FAR1: variants seen among roughly 807,000 people sequenced by gnomAD.
FAR1 encodes the protein fatty acyl-CoA reductase 1, also known as male sterility domain-containing protein 2.
FAR1 carries 22 observed loss-of-function variants against 61.1 expected under a neutral mutation model. The ratio of observed to expected loss-of-function variants is 0.36; its 90% CI spans 0.26 to 0.51. FAR1 has a LOEUF of 0.51. FAR1 is among the 20% of genes least tolerant of loss of function. The pLI is 0.95. For missense variants in FAR1, 359 were observed against 626.9 expected (o/e 0.57, Z 4.56); for synonymous variants, 206 against 209.7 (o/e 0.98, Z 0.15).
intron 1 of FAR1, among the ~76,000 whole-genome samples, chr11:13,692,917 G>T (rs1299692321): frequency 2.6e-5 from 4 of 151,896 alleles, no homozygotes; most frequent in Non-Finnish European, 5.9e-5. Flanking sequence ...TCTTTATTTT[G>T]TAGGTATTTT....
At chr11:13,725,935 C>T (rs879766204) in intron 10 of FAR1, among the ~76,000 whole-genome samples, 5 of 150,222 alleles carry the variant, frequency 3.3e-5, no homozygotes, top group African/African-American at 7.3e-5. Flanking sequence ...TTTTTTTGGC[C>T]GCCCTTTAGA....
In FAR1 at chr11:13,728,524, A is replaced by G. The variant is rs945142427; in HGVS notation, c.1386-88A>G. On this transcript the variant is annotated intron_variant, in intron 11 of 11. Transcript: ENST00000354817. Reference sequence around the variant, plus strand: ...CAAATTAATATGGATTTGAGCTTTGATTAAAAACTCAGTATTAATTAGCTG... The same window carrying G: ...CAAATTAATATGGATTTGAGCTTTGGTTAAAAACTCAGTATTAATTAGCTG... The G allele has an allele frequency of 7.4e-6, 9 of 1,210,758 alleles. No individual in the cohort carries two copies. In the East Asian group the frequency reaches 2.1e-4, roughly 29 times the overall value. 75.0% of individuals were successfully genotyped at this position (1,210,758 alleles called of 1,614,324 possible).
chr11:13,709,037 T>C (rs1214114017), intron 4 of FAR1, among the ~76,000 whole-genome samples: 6 of 152,238 alleles, frequency 3.9e-5, no homozygotes, highest in Non-Finnish European at 8.8e-5. Flanking sequence ...TACAATTATA[T>C]AAACATTCCA....
intron 1 of FAR1, chr11:13,669,969 T>C (rs1281462107): frequency 6.6e-6 from 1 of 152,264 alleles, no homozygotes; most frequent in Non-Finnish European, 1.5e-5. Context: ...AGCTGTCATG[T>C]TGGGCATGTG....
At chr11:13,694,696 T>G (rs535559662) in intron 1 of FAR1, 63 bp from the exon 2 acceptor site, 2 of 1,366,770 alleles carry the variant, frequency 1.5e-6, no homozygotes, top group African/African-American at 1.5e-5. Context: ...ACCAAGAGAT[T>G]TTTAGTATGA....
At chr11:13,717,468 G>A (rs1848568864) in intron 9 of FAR1, among the ~76,000 whole-genome samples, 1 of 152,148 alleles carries the variant, frequency 6.6e-6, no homozygotes, top group African/African-American at 2.4e-5. Flanking sequence ...TCAGATATGT[G>A]TTGATGATTT....
intron 10 of FAR1, chr11:13,723,513 G>T (rs945698972): frequency 3.0e-6 from 1 of 332,184 alleles, no homozygotes; most frequent in Non-Finnish European, 5.8e-6. Flanking sequence ...TATGTTTGCC[G>T]CTTGGCAGTA....
intron 3 of FAR1, among the ~76,000 whole-genome samples, chr11:13,704,077 G>A (rs1326507605): frequency 6.6e-6 from 1 of 150,902 alleles, no homozygotes; most frequent in African/African-American, 2.4e-5. Flanking sequence ...GAGAGGAGAA[G>A]TGAAGATAAT....
chr11:13,715,453 G>T (rs562051541), intron 9 of FAR1, among the ~76,000 whole-genome samples: 11 of 152,228 alleles, frequency 7.2e-5, no homozygotes, highest in Admixed American at 4.6e-4. Context: ...GGATGAGTTT[G>T]TATAGGGGAT....
rs1413906948 is a variant in FAR1 at position 13,711,970 on chromosome 11, G to T, written c.811G>T (p.Ala271Ser). ...TCGAACAATACGTGCCTCCAACAAT[G>T]CCCTTGCAGATCTTGTTCCTGTAGA... ...ILRTIRASNN[A>S]LADLVPVDVV... Residue 271 changes from alanine to serine, a missense_variant, in exon 7 of 12, where the codon GCC (alanine) becomes TCC (serine). Coordinates refer to ENST00000354817, the MANE Select transcript of FAR1 (RefSeq NM_032228.6). 6.2e-7 allele frequency: 1 copy of T among 1,613,374 alleles called. No homozygotes were observed. The highest frequency in any genetic ancestry group is 1.1e-5 in the South Asian group (1 of 91,064).
chr11:13,707,936 G>A lies in FAR1; in HGVS notation c.402G>A (p.Gln134=). The change falls in exon 4 of 12, where the codon CAG becomes CAA. Residue 134 remains glutamine (Q), a synonymous_variant. Transcript: ENST00000354817. ...AVQLNVIATR[Q]LILLAQQMKN... Reference sequence around the variant, plus strand: ...AGTTAAATGTGATTGCAACGCGACAGCTTATTCTCCTTGCACAACAAATGA... The same window carrying A: ...AGTTAAATGTGATTGCAACGCGACAACTTATTCTCCTTGCACAACAAATGA... 6.3e-7 allele frequency: 1 copy of A among 1,597,116 alleles called. No individual in the cohort carries two copies. Among genetic ancestry groups the A allele is most frequent in the South Asian group, 1.1e-5 (1 of 87,804 alleles).
At chr11:13,707,791 G>C (rs1325259156) in intron 3 of FAR1, 109 bp from the exon 4 acceptor site, 1 of 732,504 alleles carries the variant, frequency 1.4e-6, no homozygotes, top group Non-Finnish European at 1.9e-6. Context: ...AAGTTGTAAA[G>C]AAACAAAAAT....
At chr11:13,673,397 A>T (rs1358719792) in intron 1 of FAR1, among the ~76,000 whole-genome samples, 3 of 152,246 alleles carry the variant, frequency 2.0e-5, no homozygotes, top group Non-Finnish European at 4.4e-5. Flanking sequence ...AAATGTGAAT[A>T]CCATATTACA....
At chr11:13,701,692 G>A (rs1013515849) in intron 3 of FAR1, among the ~76,000 whole-genome samples, 2 of 152,112 alleles carry the variant, frequency 1.3e-5, no homozygotes, top group African/African-American at 4.8e-5. Context: ...TGTTTTGCCT[G>A]TATTCCAGGT....
intron 1 of FAR1, among the ~76,000 whole-genome samples, chr11:13,675,673 A>T (rs572969534): frequency 1.3e-5 from 2 of 152,182 alleles, no homozygotes; most frequent in Non-Finnish European, 2.9e-5. Flanking sequence ...TAATGGATCC[A>T]TTCTTGTTAG....
rs1305574398 is a variant in FAR1, at chr11:13,694,769, G to A, written c.4G>A (p.Val2Ile). 6.2e-7 allele frequency: 1 copy of A among 1,609,476 alleles called. No homozygotes were observed. Among genetic ancestry groups the A allele is most frequent in the African/African-American group, 1.3e-5 (1 of 74,732 alleles). M[V>I]SIPEYYEGKN... is the part of the protein sequence containing the mutation. ...CCATGTTTTTCTTAGGATCAAAATGGTTTCAATCCCAGAATACTATGAAGG... is the reference window on the plus strand; with the variant it reads ...CCATGTTTTTCTTAGGATCAAAATGATTTCAATCCCAGAATACTATGAAGG... Residue 2 changes from valine (V) to isoleucine (I), a missense_variant, in exon 2 of 12, where the codon GTT (valine) becomes ATT (isoleucine). Transcript: ENST00000354817.
At chr11:13,672,560 AGT>A (rs1018795435) in intron 1 of FAR1, among the ~76,000 whole-genome samples, 3 of 151,342 alleles carry the variant, frequency 2.0e-5, no homozygotes, top group African/African-American at 7.3e-5. Context: ...AAAAAAAAAA[AGT>A]GAGCATTATT....
chr11:13,714,726 C>G (rs1848537459), intron 9 of FAR1, 46 bp downstream of exon 9: 1 of 1,515,596 alleles, frequency 6.6e-7, no homozygotes, highest in South Asian at 1.3e-5. Context: ...GTTAAACAAC[C>G]CATGCTTACA....
At chr11:13,698,039 G>A (rs1240792631) in intron 2 of FAR1, among the ~76,000 whole-genome samples, 1 of 152,102 alleles carries the variant, frequency 6.6e-6, no homozygotes, top group East Asian at 1.9e-4. Flanking sequence ...GTTACTACCT[G>A]TATGTGGTTA....
Sources: gnomAD v4.1 joint callset for allele counts (sites outside exome capture counted in the v4.1 genomes callset) on GRCh38, gnomAD v4.1.1 for gene constraint, MANE v1.5 for transcripts, NCBI Gene and HGNC (gene_info 2026-07-23, HGNC 2026-07-21) for gene names.